GPR158: variants seen among roughly 807,000 people sequenced by gnomAD.
GPR158 encodes the protein G protein-coupled receptor 158.
In GPR158, 30 loss-of-function variants were observed where a neutral mutation model predicts 78.2. The ratio of observed to expected loss-of-function variants is 0.38; its 90% CI spans 0.29 to 0.52. GPR158 has a LOEUF of 0.52. Ranked by LOEUF, GPR158 falls within the 20% of genes least tolerant of loss-of-function variation. The pLI, the probability that GPR158 is intolerant of heterozygous loss-of-function variation, is 0.83. For missense variants in GPR158, 1,463 were observed against 1,523.5 expected (o/e 0.96, Z 0.66); for synonymous variants, 581 against 591.1 (o/e 0.98, Z 0.25).
intron 2 of GPR158, among the ~76,000 whole-genome samples, chr10:25,258,209 C>G (rs1355008270): frequency 6.6e-6 from 1 of 152,170 alleles, no homozygotes; most frequent in Non-Finnish European, 1.5e-5. Flanking sequence ...ATTTAGGGCA[C>G]TTAATCACCA....
intron 2 of GPR158, among the ~76,000 whole-genome samples, chr10:25,363,710 G>A (rs1207711227): frequency 6.6e-6 from 1 of 151,540 alleles, no homozygotes; most frequent in Non-Finnish European, 1.5e-5. Context: ...TTGAATCCTG[G>A]ATCCTGCTAT....
chr10:25,194,240 T>A (rs865816847), intron 1 of GPR158, among the ~76,000 whole-genome samples: 1 of 151,596 alleles, frequency 6.6e-6, no homozygotes, highest in African/African-American at 2.4e-5. Flanking sequence ...GGCACAGGAG[T>A]AAGATTGGAA....
chr10:25,432,130 T>C (rs1055534036), intron 4 of GPR158, among the ~76,000 whole-genome samples: 2 of 152,118 alleles, frequency 1.3e-5, no homozygotes, highest in Non-Finnish European at 2.9e-5. Context: ...ATCCTTAACC[T>C]AAAAACCAAT....
chr10:25,295,594 T>C (rs1854499808), intron 2 of GPR158, among the ~76,000 whole-genome samples: 1 of 152,060 alleles, frequency 6.6e-6, no homozygotes, highest in African/African-American at 2.4e-5. Flanking sequence ...TTTGTATTTT[T>C]AGTAGAGACA....
chr10:25,188,584 A>G (rs1237094923), intron 1 of GPR158, among the ~76,000 whole-genome samples: 1 of 152,236 alleles, frequency 6.6e-6, no homozygotes, highest in Non-Finnish European at 1.5e-5. Flanking sequence ...AGCCATACAT[A>G]GAAAGCTGAA....
At position 25,532,278 on chromosome 10, in the gene GPR158, C is replaced by T. The variant is rs549749248; in HGVS notation, c.1405-18698C>T. Among the ~76,000 whole-genome samples, 5 of 144,194 alleles carry T rather than the reference C, an allele frequency of 3.5e-5. 1 individual carries two copies. In the South Asian group the frequency reaches 6.7e-4, roughly 19 times the overall value. The allele number at this position is 144,194 out of a possible 152,430, so 94.6% of individuals were successfully genotyped here. On this transcript the variant is annotated intron_variant, in intron 5 of 10. Coordinates refer to ENST00000376351, the MANE Select transcript of GPR158 (RefSeq NM_020752.3). Reference sequence around the variant, plus strand: ...GACTATCTGTTAAACGGATGAGGCACCATACTAAGCTAAAGAGGTGGGCCA... The same window carrying T: ...GACTATCTGTTAAACGGATGAGGCATCATACTAAGCTAAAGAGGTGGGCCA...
intron 3 of GPR158, among the ~76,000 whole-genome samples, chr10:25,400,045 C>A (rs555321464): frequency 6.6e-6 from 1 of 152,270 alleles, no homozygotes; most frequent in Admixed American, 6.5e-5. Flanking sequence ...AATACACATA[C>A]ACACACATAT....
intron 2 of GPR158, among the ~76,000 whole-genome samples, chr10:25,385,737 T>C (rs993937425): frequency 1.1e-4 from 16 of 152,180 alleles, no homozygotes; most frequent in Admixed American, 5.9e-4. Flanking sequence ...TTAACATCTT[T>C]TCATTGGCTT....
chr10:25,446,620 G>A (rs1835141450), intron 4 of GPR158, among the ~76,000 whole-genome samples: 1 of 152,164 alleles, frequency 6.6e-6, no homozygotes, highest in Admixed American at 6.5e-5. Context: ...ACGGCTAGAA[G>A]TGCCATTATA....
chr10:25,305,614 AAGG>A (rs1854663046), intron 2 of GPR158, among the ~76,000 whole-genome samples: 1 of 150,324 alleles, frequency 6.7e-6, no homozygotes, highest in Non-Finnish European at 1.5e-5. Flanking sequence ...GTAAAAAAAG[AAGG>A]AGAGAGAGGG....
chr10:25,302,231 C>T (rs1280855434), intron 2 of GPR158, among the ~76,000 whole-genome samples: 1 of 128,376 alleles, frequency 7.8e-6, no homozygotes, highest in African/African-American at 3.3e-5. Context: ...GCCACCATGC[C>T]TGGCTAATTT....
chr10:25,513,656 T>C (rs1836118884), intron 5 of GPR158, among the ~76,000 whole-genome samples: 2 of 152,178 alleles, frequency 1.3e-5, no homozygotes, highest in Admixed American at 6.5e-5. Flanking sequence ...AGGCATTTAA[T>C]GCTATGAACT....
intron 2 of GPR158, among the ~76,000 whole-genome samples, chr10:25,333,494 A>G (rs1855156362): frequency 1.3e-5 from 2 of 152,184 alleles, no homozygotes; most frequent in Non-Finnish European, 2.9e-5. Context: ...TCTTAATGTT[A>G]ATTCTGTAGC....
chr10:25,530,776 T>C (rs1481549423), intron 5 of GPR158, among the ~76,000 whole-genome samples: 1 of 152,184 alleles, frequency 6.6e-6, no homozygotes, highest in African/African-American at 2.4e-5. Context: ...TTTAACTCCT[T>C]CTCAGTCACT....
In GPR158 at chr10:25,335,806, G is replaced by A. The variant is rs1389137446; in HGVS notation, c.1009-60105G>A. Among the ~76,000 whole-genome samples the A allele has an allele frequency of 1.1e-4, 16 of 152,152 alleles. No homozygotes were observed. In the South Asian group the frequency reaches 3.1e-3, roughly 30 times the overall value. On this transcript the variant is annotated intron_variant, in intron 2 of 10. Coordinates refer to ENST00000376351, the MANE Select transcript of GPR158 (RefSeq NM_020752.3). ...TGATATGCACCATATTATATTAGGTGTGTTCCTAATAATCTTTCAAAATTG... is the reference window on the plus strand; with the variant it reads ...TGATATGCACCATATTATATTAGGTATGTTCCTAATAATCTTTCAAAATTG...
intron 2 of GPR158, among the ~76,000 whole-genome samples, chr10:25,289,035 T>G (rs1854395007): frequency 1.3e-5 from 2 of 152,198 alleles, no homozygotes; most frequent in African/African-American, 4.8e-5. Flanking sequence ...AAACTTGAAT[T>G]GTTTATCATG....
At chr10:25,406,525 C>G (rs1453355949) in intron 3 of GPR158, among the ~76,000 whole-genome samples, 1 of 152,100 alleles carries the variant, frequency 6.6e-6, no homozygotes, top group Non-Finnish European at 1.5e-5. Flanking sequence ...AAGCAAAAAG[C>G]TGGGAATAGC....
At chr10:25,332,048 T>C (rs1855131401) in intron 2 of GPR158, among the ~76,000 whole-genome samples, 1 of 152,148 alleles carries the variant, frequency 6.6e-6, no homozygotes, top group Admixed American at 6.5e-5. Context: ...TCCAATAAAG[T>C]ACATGCTGTA....
At chr10:25,575,036 C>T (rs1249667663) in intron 7 of GPR158, among the ~76,000 whole-genome samples, 2 of 145,548 alleles carry the variant, frequency 1.4e-5, no homozygotes, top group African/African-American at 2.6e-5. Flanking sequence ...CACTACACTA[C>T]AGTCTGGGCA....
Sources: gnomAD v4.1 joint callset for allele counts (sites outside exome capture counted in the v4.1 genomes callset) on GRCh38, gnomAD v4.1.1 for gene constraint, MANE v1.5 for transcripts, NCBI Gene and HGNC (gene_info 2026-07-23, HGNC 2026-07-21) for gene names.